Variants in PTPN4 observed in about 807,000 individuals in gnomAD.
PTPN4 encodes the protein protein tyrosine phosphatase non-receptor type 4.
Under a neutral mutation model 135.5 loss-of-function variants are expected in PTPN4, and 49 were observed. That is an observed-to-expected ratio of 0.36 (90% CI 0.29 to 0.46). The LOEUF is 0.46. Among genes scored for constraint, PTPN4 ranks in the 20% least tolerant of loss-of-function variants. The pLI, the probability that PTPN4 is intolerant of heterozygous loss-of-function variation, is 1.00. For synonymous variants in PTPN4, 333 were observed against 369.9 expected, an observed-to-expected ratio of 0.90 and a Z score of 1.14; for missense variants, 860 against 1,101.0, an observed-to-expected ratio of 0.78 and a Z score of 3.10.
intron 19 of PTPN4, among the ~76,000 whole-genome samples, chr2:119,954,611 G>A (rs1021107884): frequency 6.6e-6 from 1 of 152,276 alleles, no homozygotes; most frequent in South Asian, 2.1e-4. Flanking sequence ...CTGAGAGTGG[G>A]TAACGGTAGA....
intron 11 of PTPN4, among the ~76,000 whole-genome samples, chr2:119,918,052 A>C (rs1678683135): frequency 6.6e-6 from 1 of 152,216 alleles, no homozygotes; most frequent in Non-Finnish European, 1.5e-5. Context: ...ATAGTAGCTG[A>C]GACATTTTCT....
intron 2 of PTPN4, among the ~76,000 whole-genome samples, chr2:119,851,963 C>A (rs528735699): frequency 1.3e-5 from 2 of 152,278 alleles, no homozygotes; most frequent in East Asian, 3.9e-4. Context: ...TATTGTGTGT[C>A]TTTTAAAATG....
chr2:119,784,441 A>C (rs1354855210), intron 1 of PTPN4, among the ~76,000 whole-genome samples: 18 of 139,954 alleles, frequency 1.3e-4, no homozygotes, highest in Non-Finnish European at 2.4e-4. Context: ...GGCTGGAGTG[A>C]AGTGGCGCAA....
intron 3 of PTPN4, among the ~76,000 whole-genome samples, chr2:119,870,364 C>A (rs538583633): frequency 1.3e-5 from 2 of 152,154 alleles, no homozygotes; most frequent in South Asian, 4.2e-4. Flanking sequence ...TAGAGACACA[C>A]CATGCTCATA....
chr2:119,982,079 T>G lies in PTPN4; in HGVS notation c.*5009T>G, dbSNP rs1679704289. On this transcript the variant is annotated 3_prime_UTR_variant, in exon 27 of 27. Transcript: ENST00000263708. ...AGTAGCAATATTGCTAGTTAAAGAT[T>G]ACCATTTTAGGGGAAAGTTCAAAGG... 2.0e-5 allele frequency: 3 copies of G among 152,198 alleles called. No individual in the cohort carries two copies. The highest frequency in any genetic ancestry group is 2.1e-4 in the South Asian group (1 of 4,834). The allele number at this position is 152,198 out of a possible 1,614,324, so 9.4% of individuals were successfully genotyped here.
chr2:119,807,763 A>G (rs1339196412), intron 1 of PTPN4, among the ~76,000 whole-genome samples: 2 of 152,188 alleles, frequency 1.3e-5, no homozygotes, highest in Non-Finnish European at 2.9e-5. Flanking sequence ...CCTGGCAGAG[A>G]CACAACAAAA....
intron 2 of PTPN4, among the ~76,000 whole-genome samples, chr2:119,830,891 C>T (rs1201508349): frequency 9.2e-5 from 14 of 152,194 alleles, no homozygotes; most frequent in South Asian, 6.2e-4. Flanking sequence ...GCTTCCTGTA[C>T]AGCCTGTGGA....
chr2:119,885,723 C>G (rs911944498), intron 8 of PTPN4, 72 bp from the exon 9 acceptor site: 2 of 1,096,032 alleles, frequency 1.8e-6, no homozygotes, highest in African/African-American at 3.2e-5. Flanking sequence ...GATAAATAGC[C>G]TTTTTCTAAT....
intron 11 of PTPN4, among the ~76,000 whole-genome samples, chr2:119,916,940 G>A: frequency 6.6e-6 from 1 of 151,836 alleles, no homozygotes; most frequent in Non-Finnish European, 1.5e-5. Flanking sequence ...TCCAGGTTGG[G>A]GATATTATGA....
rs1399693955 is a variant in PTPN4 at position 119,978,318 on chromosome 2, T to A, written c.*1248T>A. The A allele has an allele frequency of 6.6e-6, 1 of 152,188 alleles. No individual in the cohort carries two copies. Among genetic ancestry groups the A allele is most frequent in the Non-Finnish European group, 1.5e-5 (1 of 68,018 alleles). The allele number at this position is 152,188 out of a possible 1,614,324, so 9.4% of individuals were successfully genotyped here. A position where few individuals can be genotyped will look rare whatever the true frequency, so the allele number is the denominator to read the frequency against. Reference sequence around the variant, plus strand: ...ATTCTTTAGCACTCATTTCAGTTAATATCAAGCTTTGTTCACACTGATATA... The same window carrying A: ...ATTCTTTAGCACTCATTTCAGTTAAAATCAAGCTTTGTTCACACTGATATA... On this transcript the variant is annotated 3_prime_UTR_variant, in exon 27 of 27. Transcript: ENST00000263708.
chr2:119,773,505 A>G (rs1037513774), intron 1 of PTPN4, among the ~76,000 whole-genome samples: 1 of 152,178 alleles, frequency 6.6e-6, no homozygotes, highest in African/African-American at 2.4e-5. Context: ...TGGGAGGTCA[A>G]GGCAGGTGGA....
intron 10 of PTPN4, among the ~76,000 whole-genome samples, chr2:119,912,243 A>G (rs1678582027): frequency 6.6e-6 from 1 of 152,152 alleles, no homozygotes; most frequent in Non-Finnish European, 1.5e-5. Flanking sequence ...AGGGACAAAA[A>G]GTTGGTCAGT....
At chr2:119,859,873 T>C (rs977168405) in intron 2 of PTPN4, among the ~76,000 whole-genome samples, 1 of 152,196 alleles carries the variant, frequency 6.6e-6, no homozygotes, top group Non-Finnish European at 1.5e-5. Context: ...TCAGTTTTTT[T>C]CCCATTGAGT....
chr2:119,942,379 C>A (rs1679073599), intron 15 of PTPN4, among the ~76,000 whole-genome samples: 1 of 152,160 alleles, frequency 6.6e-6, no homozygotes, highest in Non-Finnish European at 1.5e-5. Context: ...TATACCACTG[C>A]TGATCAGGCT....
Position 119,945,235 on chromosome 2 carries a change from C to T in PTPN4, c.1510C>T (p.Pro504Ser). 1 of 1,551,426 alleles carries T rather than the reference C, an allele frequency of 6.4e-7. No individual in the cohort carries two copies. Among genetic ancestry groups the T allele is most frequent in the Non-Finnish European group, 8.7e-7 (1 of 1,152,142 alleles). ...TFDIPSSPEK[P>S]TPNGGIPHDN... is the part of the protein sequence containing the mutation. ...TGATATTCCATCTTCTCCTGAAAAA[C>T]CCACTGTAAGTAGCTTCTTCAGATA... is the stretch of plus-strand genomic sequence containing the variant. The change falls in exon 16 of 27, where the codon CCC becomes TCC. Residue 504 changes from proline (P) to serine (S), a missense_variant. By Grantham distance (74) the Pro-to-Ser change is moderately conservative. Coordinates refer to ENST00000263708, the MANE Select transcript of PTPN4 (RefSeq NM_002830.4).
intron 1 of PTPN4, among the ~76,000 whole-genome samples, chr2:119,774,571 A>G (rs1292200439): frequency 6.6e-6 from 1 of 152,242 alleles, no homozygotes; most frequent in Non-Finnish European, 1.5e-5. Flanking sequence ...AAGTCATTAT[A>G]TGATGACTTA....
At chr2:119,887,906 G>A (rs1326122320) in intron 9 of PTPN4, among the ~76,000 whole-genome samples, 1 of 152,110 alleles carries the variant, frequency 6.6e-6, no homozygotes, top group Admixed American at 6.6e-5. Context: ...ATTCTATGAA[G>A]AACGATGTTG....
chr2:119,867,330 G>A (rs1360768956), intron 3 of PTPN4, among the ~76,000 whole-genome samples: 1 of 152,096 alleles, frequency 6.6e-6, no homozygotes, highest in Non-Finnish European at 1.5e-5. Context: ...AGTAGTGGTT[G>A]GCTGTGGGGA....
At chr2:119,818,231 T>C (rs1050129586) in intron 2 of PTPN4, among the ~76,000 whole-genome samples, 2 of 151,966 alleles carry the variant, frequency 1.3e-5, no homozygotes, top group African/African-American at 2.4e-5. Context: ...AGCCTCCTTG[T>C]CTACACATAT....
Sources: allele counts gnomAD v4.1 joint callset (sites outside exome capture counted in the v4.1 genomes callset), GRCh38; gene constraint gnomAD v4.1.1; transcripts MANE v1.5; gene names NCBI Gene and HGNC (gene_info 2026-07-23, HGNC 2026-07-21).